HRH1: variants seen among roughly 807,000 people sequenced by gnomAD.
HRH1 encodes the protein histamine receptor H1.
HRH1 carries 6 observed loss-of-function variants against 10.3 expected under a neutral mutation model. The observed-to-expected ratio is 0.58, with a 90% CI of 0.32 to 1.15. HRH1 has a LOEUF of 1.15. Among genes scored for constraint, HRH1 ranks in the 50% most tolerant of loss-of-function variants. HRH1 has a pLI of 0.05. For missense variants in HRH1, 514 were observed against 615.3 expected, an observed-to-expected ratio of 0.84 and a Z score of 1.74; for synonymous variants, 242 against 236.7, an observed-to-expected ratio of 1.02 and a Z score of -0.21.
At chr3:11,214,652 A>G (rs1016900290) in intron 1 of HRH1, among the ~76,000 whole-genome samples, 5 of 152,272 alleles carry the variant, frequency 3.3e-5, no homozygotes, top group African/African-American at 1.2e-4. Context: ...TACCATGTAT[A>G]AAACAGTATA....
rs1373356730 is a variant in HRH1, at chr3:11,161,524, G to A, written c.-36+6970G>A. Among the ~76,000 whole-genome samples the A allele has an allele frequency of 7.2e-5, 11 of 152,324 alleles. No homozygotes were observed. In the East Asian group the frequency reaches 2.1e-3, roughly 29 times the overall value. On this transcript the variant is annotated intron_variant, in intron 1 of 1. Transcript: ENST00000431010. The stretch of plus-strand genomic sequence containing the variant: ...TGTTGATCCCAGGCTCATATGGGAA[G>A]CCTGGTTTTCTTTCCTCTGTCCTTG...
At chr3:11,225,779 G>A (rs1055171189) in intron 1 of HRH1, among the ~76,000 whole-genome samples, 57 of 152,316 alleles carry the variant, frequency 3.7e-4, no homozygotes, top group East Asian at 1.9e-4. Context: ...TCTGCCTCCC[G>A]GGTTCAGGCG....
At chr3:11,166,994 AT>A (rs1937052773) in intron 1 of HRH1, among the ~76,000 whole-genome samples, 1 of 146,584 alleles carries the variant, frequency 6.8e-6, no homozygotes, top group African/African-American at 2.6e-5. Flanking sequence ...GGCGCATGAC[AT>A]CTACTGTCCC....
intron 1 of HRH1, among the ~76,000 whole-genome samples, chr3:11,254,721 AGTTT>A (rs1370356337): frequency 6.6e-6 from 1 of 152,208 alleles, no homozygotes; most frequent in Non-Finnish European, 1.5e-5. Context: ...TGAACCCCCA[AGTTT>A]GTTAGAAACA....
chr3:11,221,386 C>G (rs568151840), intron 1 of HRH1, among the ~76,000 whole-genome samples: 2 of 151,924 alleles, frequency 1.3e-5, no homozygotes, highest in Admixed American at 6.6e-5. Flanking sequence ...AACCCTGTCT[C>G]TACTAAAATA....
chr3:11,246,848 C>A (rs1939503877), intron 1 of HRH1, among the ~76,000 whole-genome samples: 1 of 151,906 alleles, frequency 6.6e-6, no homozygotes, highest in Admixed American at 6.6e-5. Flanking sequence ...GAGTTTGAGA[C>A]CAGTCTGGGC....
chr3:11,197,562 T>A (rs755635835), intron 1 of HRH1, among the ~76,000 whole-genome samples: 9 of 152,180 alleles, frequency 5.9e-5, no homozygotes, highest in African/African-American at 9.7e-5. Flanking sequence ...TCAGTGCCAA[T>A]TTGGATGTTT....
intron 1 of HRH1, among the ~76,000 whole-genome samples, chr3:11,219,279 T>C (rs1292900608): frequency 7.9e-5 from 12 of 152,144 alleles, no homozygotes; most frequent in Non-Finnish European, 8.8e-5. Flanking sequence ...CATGAATTAA[T>C]GGATTATTAT....
intron 1 of HRH1, among the ~76,000 whole-genome samples, chr3:11,227,348 G>A (rs1279877116): frequency 6.6e-6 from 1 of 151,198 alleles, no homozygotes; most frequent in Non-Finnish European, 1.5e-5. Context: ...GTGCCGTGAC[G>A]TGATATCAGC....
At chr3:11,189,282 G>T (rs1937503393) in intron 1 of HRH1, among the ~76,000 whole-genome samples, 1 of 152,164 alleles carries the variant, frequency 6.6e-6, no homozygotes, top group Non-Finnish European at 1.5e-5. Flanking sequence ...GTGGGTAGGG[G>T]AACGGCTCTG....
upstream of HRH1, among the ~76,000 whole-genome samples, chr3:11,153,776 C>A (rs1047504791): frequency 7.2e-5 from 11 of 152,152 alleles, no homozygotes; most frequent in Non-Finnish European, 1.5e-5. Flanking sequence ...CCACTCCTCC[C>A]CTTGCTGCTC....
intron 1 of HRH1, among the ~76,000 whole-genome samples, chr3:11,198,369 TC>T (rs1937757410): frequency 6.6e-6 from 1 of 152,180 alleles, no homozygotes; most frequent in South Asian, 2.1e-4. Flanking sequence ...CTGTATCATT[TC>T]CATTTTTCCT....
chr3:11,244,360 A>G (rs1283792663), intron 1 of HRH1, among the ~76,000 whole-genome samples: 1 of 152,252 alleles, frequency 6.6e-6, no homozygotes, highest in Non-Finnish European at 1.5e-5. Context: ...TGTAGTTTCT[A>G]TTCCAGGCAG....
At chr3:11,233,832 GAGA>G (rs1939105291) in intron 1 of HRH1, among the ~76,000 whole-genome samples, 1 of 152,188 alleles carries the variant, frequency 6.6e-6, no homozygotes, top group Non-Finnish European at 1.5e-5. Context: ...GCATTTTTAG[GAGA>G]AGATGTTTTT....
At chr3:11,183,314 A>G (rs1432102576) in intron 1 of HRH1, among the ~76,000 whole-genome samples, 1 of 152,212 alleles carries the variant, frequency 6.6e-6, no homozygotes, top group East Asian at 1.9e-4. Flanking sequence ...GTCCTTTGGC[A>G]GGAAACCTCA....
At chr3:11,210,356 G>A (rs764835442) in intron 1 of HRH1, among the ~76,000 whole-genome samples, 7 of 151,994 alleles carry the variant, frequency 4.6e-5, no homozygotes, top group Non-Finnish European at 1.0e-4. Flanking sequence ...GAACGTGCCA[G>A]TGTATCCAGC....
At chr3:11,178,193 G>A (rs1261975927) in intron 1 of HRH1, among the ~76,000 whole-genome samples, 5 of 152,166 alleles carry the variant, frequency 3.3e-5, no homozygotes, top group Non-Finnish European at 7.3e-5. Context: ...TGGGGCCCAG[G>A]TTCAAGTCCC....
intron 1 of HRH1, among the ~76,000 whole-genome samples, chr3:11,164,139 C>G (rs1936983702): frequency 6.6e-6 from 1 of 152,188 alleles, no homozygotes; most frequent in African/African-American, 2.4e-5. Context: ...GGAGGGAGAA[C>G]AGCCAGGTAT....
chr3:11,201,964 C>A (rs75371815), intron 1 of HRH1, among the ~76,000 whole-genome samples: 5,864 of 152,294 alleles, frequency 0.039, 152 homozygotes, highest in South Asian at 0.11. Context: ...CATACTCCCC[C>A]CTCACCGGGG....
Sources: allele counts gnomAD v4.1 joint callset (sites outside exome capture counted in the v4.1 genomes callset), GRCh38; gene constraint gnomAD v4.1.1; transcripts MANE v1.5; gene names NCBI Gene and HGNC (gene_info 2026-07-23, HGNC 2026-07-21).